Variants in DGLUCY observed in about 807,000 individuals in gnomAD.
DGLUCY encodes D-glutamate cyclase, mitochondrial.
DGLUCY carries 58 observed loss-of-function variants against 58.5 expected under a neutral mutation model. The observed-to-expected ratio is 0.99, with a 90% CI of 0.80 to 1.23. DGLUCY has a LOEUF of 1.23. Among genes scored for constraint, DGLUCY ranks in the 50% most tolerant of loss-of-function variants. The pLI, the probability that DGLUCY is intolerant of heterozygous loss-of-function variation, is 0.00. For missense variants in DGLUCY, 779 were observed against 784.7 expected, an observed-to-expected ratio of 0.99 and a Z score of 0.09; for synonymous variants, 325 against 314.1, an observed-to-expected ratio of 1.03 and a Z score of -0.37.
In DGLUCY at chr14:91,189,089, T is replaced by C. The variant is rs763695407; in HGVS notation, c.1114T>C (p.Leu372=). The C allele has an allele frequency of 6.2e-7, 1 of 1,614,062 alleles. No individual in the cohort carries two copies. Among genetic ancestry groups the C allele is most frequent in the African/African-American group, 1.3e-5 (1 of 74,934 alleles). Residue 372 remains leucine (L), a synonymous_variant, in exon 9 of 14, where the codon TTG becomes CTG. Transcript: ENST00000256324. ...TGCTCTGGTTGCCTTCCTGCAGGCC[T>C]TGGAGAAGGAGGTCGCCATAATCGT... ...AVALVAFLQA[L]EKEVAIIVDQ... is the part of the protein sequence containing the mutation.
intron 1 of DGLUCY, among the ~76,000 whole-genome samples, chr14:91,088,324 C>T (rs1163896230): frequency 1.3e-5 from 2 of 152,100 alleles, no homozygotes; most frequent in African/African-American, 4.8e-5. Context: ...CATAATAAGA[C>T]AGTTTGAATG....
chr14:91,218,155 T>C (rs1367736848), intron 13 of DGLUCY, among the ~76,000 whole-genome samples: 1 of 152,132 alleles, frequency 6.6e-6, no homozygotes, highest in Non-Finnish European at 1.5e-5. Flanking sequence ...CAGAGGGAAA[T>C]GGTCTGCCCT....
chr14:91,146,886 G>T (rs1326217991), intron 1 of DGLUCY, among the ~76,000 whole-genome samples: 2 of 152,096 alleles, frequency 1.3e-5, no homozygotes, highest in African/African-American at 4.8e-5. Flanking sequence ...GCACCACCCA[G>T]CACGGGGCTG....
chr14:91,068,782 ATTTTT>A (rs2043869067), intron 1 of DGLUCY, among the ~76,000 whole-genome samples: 1 of 152,230 alleles, frequency 6.6e-6, no homozygotes, highest in African/African-American at 2.4e-5. Flanking sequence ...AAAAGGTCCC[ATTTTT>A]AATGAAACAA....
Position 91,176,009 on chromosome 14 carries a change from T to C in DGLUCY, c.683T>C (p.Val228Ala), listed in dbSNP as rs1449007405. The change falls in exon 7 of 14, where the codon GTG becomes GCG. Residue 228 changes from valine to alanine, a missense_variant. Val to Ala is a moderately conservative substitution (Grantham distance 64, BLOSUM62 0). Coordinates refer to ENST00000256324, the MANE Select transcript of DGLUCY (RefSeq NM_001102368.3). Reference protein sequence around the residue: ...AMVCPPGEVPVFWPSPLTSLG... With the variant: ...AMVCPPGEVPAFWPSPLTSLG... ...GTGTGTCCCCCAGGGGAGGTTCCAG[T>C]GTTCTGGCCTTCTCCGCTGACCAGT... 6.2e-7 allele frequency: 1 copy of C among 1,614,072 alleles called. No individual in the cohort carries two copies. Among genetic ancestry groups the C allele is most frequent in the Admixed American group, 1.7e-5 (1 of 60,022 alleles).
intron 1 of DGLUCY, among the ~76,000 whole-genome samples, chr14:91,120,350 T>C (rs2045273141): frequency 6.6e-6 from 1 of 152,174 alleles, no homozygotes; most frequent in Non-Finnish European, 1.5e-5. Context: ...TTTATTTTCA[T>C]GAATGGCACA....
rs369275725 is a variant in DGLUCY at position 91,138,538 on chromosome 14, T to G, written c.-81-19101T>G. ...GAAATATTCGAGACTGGGTAACTTA[T>G]AAAGGAAAGAGGTCTAATCCCCAGT... On this transcript the variant is annotated intron_variant, in intron 1 of 13. Coordinates refer to ENST00000256324, the MANE Select transcript of DGLUCY (RefSeq NM_001102368.3). Among the ~76,000 whole-genome samples the G allele has an allele frequency of 5.9e-5, 9 of 152,110 alleles. 1 individual carries two copies. Among genetic ancestry groups the G allele is most frequent in the African/African-American group, 2.2e-4 (9 of 41,480 alleles).
In DGLUCY at chr14:91,134,887, T is replaced by A. The variant is rs544789916; in HGVS notation, c.-82+20604T>A. Among the ~76,000 whole-genome samples, 200 of 152,274 alleles carry A rather than the reference T, an allele frequency of 1.3e-3. 6 individuals are homozygous for A. In the South Asian group the frequency reaches 0.04, roughly 30 times the overall value. ...TTGGGTTTTCCACGCAATCATAATA[T>A]CTGCACGTTTTTTCTTCCTTCCCAA... is the stretch of plus-strand genomic sequence containing the variant. On this transcript the variant is annotated intron_variant, in intron 1 of 13. Transcript: ENST00000256324.
intron 1 of DGLUCY, among the ~76,000 whole-genome samples, chr14:91,116,603 T>TG (rs1482116777): frequency 1.3e-5 from 2 of 152,010 alleles, no homozygotes; most frequent in Non-Finnish European, 2.9e-5. Context: ...AAGAAGCAAC[T>TG]GGGGGCAAGT....
intron 1 of DGLUCY, among the ~76,000 whole-genome samples, chr14:91,132,298 C>T (rs1352526201): frequency 2.0e-5 from 3 of 151,994 alleles, no homozygotes; most frequent in Non-Finnish European, 4.4e-5. Context: ...GGTGTGGTAC[C>T]TCACTCCTAT....
intron 1 of DGLUCY, among the ~76,000 whole-genome samples, chr14:91,140,352 G>T (rs926624839): frequency 1.3e-5 from 2 of 152,196 alleles, no homozygotes; most frequent in Non-Finnish European, 2.9e-5. Context: ...CTACAATATA[G>T]TGATGCTTGA....
At chr14:91,209,987 T>G (rs1885415424) in intron 12 of DGLUCY, among the ~76,000 whole-genome samples, 1 of 152,038 alleles carries the variant, frequency 6.6e-6, no homozygotes, top group Non-Finnish European at 1.5e-5. Flanking sequence ...AGTATTCAAA[T>G]AAGACATAAT....
At chr14:91,183,903 C>T (rs886445149) in intron 8 of DGLUCY, among the ~76,000 whole-genome samples, 1 of 152,148 alleles carries the variant, frequency 6.6e-6, no homozygotes, top group African/African-American at 2.4e-5. Flanking sequence ...CCCAGTCCCT[C>T]TTCTGGACCT....
At chr14:91,096,656 C>T (rs1687592890) in intron 1 of DGLUCY, among the ~76,000 whole-genome samples, 1 of 152,158 alleles carries the variant, frequency 6.6e-6, no homozygotes, top group Non-Finnish European at 1.5e-5. Context: ...CACTTAGGCC[C>T]ATGTTCAGCT....
chr14:91,103,907 C>G (rs915360072), upstream of DGLUCY, among the ~76,000 whole-genome samples: 1 of 151,930 alleles, frequency 6.6e-6, no homozygotes, highest in Non-Finnish European at 1.5e-5. Context: ...CCCACTTCTG[C>G]GCATGTCTGT....
At chr14:91,065,874 G>A (rs959548092) in intron 1 of DGLUCY, among the ~76,000 whole-genome samples, 2 of 152,180 alleles carry the variant, frequency 1.3e-5, no homozygotes, top group African/African-American at 2.4e-5. Context: ...GAACTGGGGT[G>A]AGATAATGGA....
chr14:91,114,320 C>T (rs181825270), intron 1 of DGLUCY, 37 bp downstream of exon 1: 28 of 152,430 alleles, frequency 1.8e-4, no homozygotes, highest in African/African-American at 6.7e-4. Context: ...CACAGTCCCT[C>T]CCTCCGCCCC....
intron 8 of DGLUCY, chr14:91,185,497 T>G (rs2049459815): frequency 6.6e-6 from 1 of 151,386 alleles, no homozygotes; most frequent in East Asian, 1.9e-4. Context: ...GTTGAACCCC[T>G]GGGTTCAAAC....
chr14:91,199,477 TCCTGACC>T (rs58209296), intron 10 of DGLUCY, among the ~76,000 whole-genome samples: 73,992 of 151,204 alleles, frequency 0.49, 20,776 homozygotes, highest in East Asian at 0.68. Context: ...GTTCTCGAAC[TCCTGACC>T]TCAAGTGATC....
Sources: allele counts gnomAD v4.1 joint callset (sites outside exome capture counted in the v4.1 genomes callset), GRCh38; gene constraint gnomAD v4.1.1; transcripts MANE v1.5; gene names NCBI Gene and HGNC (gene_info 2026-07-23, HGNC 2026-07-21).